Variants in ZNF808 observed in about 807,000 individuals in gnomAD.
ZNF808 encodes zinc finger protein 808.
In ZNF808, 5 loss-of-function variants were observed where a neutral mutation model predicts 8.7. That is an observed-to-expected ratio of 0.58 (90% CI 0.30 to 1.21). ZNF808 has a LOEUF of 1.21. ZNF808 is among the 50% of genes most tolerant of loss of function. The pLI is 0.07. For missense variants in ZNF808, 1,103 were observed against 1,098.4 expected (o/e 1.00, Z -0.06); for synonymous variants, 380 against 366.0 (o/e 1.04, Z -0.44).
At chr19:52,561,276 T>C (rs2059857436), downstream of ZNF808, among the ~76,000 whole-genome samples, 1 of 149,158 alleles carries the variant, frequency 6.7e-6, no homozygotes, top group Admixed American at 6.7e-5. Flanking sequence ...CTAGGGTACA[T>C]GTGCACAACG....
At chr19:52,564,286 G>A (rs771497085) in exon 4 of ZNF808, 49 of 691,838 alleles carry the variant, frequency 7.1e-5, no homozygotes, top group Admixed American at 1.7e-4. Context: ...TCATAATCAC[G>A]TTACTTAAGC....
chr19:52,547,341 A>G (rs2059731831), intron 3 of ZNF808, among the ~76,000 whole-genome samples, 171 bp from the exon 4 acceptor site: 1 of 152,160 alleles, frequency 6.6e-6, no homozygotes, highest in African/African-American at 2.4e-5. Flanking sequence ...TTCAAGGAAA[A>G]GTACAATAAA....
intron 2 of ZNF808, among the ~76,000 whole-genome samples, chr19:52,540,171 C>A (rs984360276): frequency 6.6e-6 from 1 of 152,078 alleles, no homozygotes; most frequent in African/African-American, 2.4e-5. Flanking sequence ...ACCACTATGC[C>A]CTGCTAATGT....
At chr19:52,537,018 C>A (rs2059619078) in intron 2 of ZNF808, among the ~76,000 whole-genome samples, 1 of 151,986 alleles carries the variant, frequency 6.6e-6, no homozygotes, top group African/African-American at 2.4e-5. Flanking sequence ...GAAACCCCAT[C>A]CCTGCTAAAA....
intron 2 of ZNF808, among the ~76,000 whole-genome samples, chr19:52,539,090 C>T (rs1179108225): frequency 6.6e-6 from 1 of 151,502 alleles, no homozygotes; most frequent in East Asian, 1.9e-4. Flanking sequence ...GTGACTGACT[C>T]TGTTACTATA....
chr19:52,536,725 A>C (rs2615585), intron 2 of ZNF808, among the ~76,000 whole-genome samples: 49,553 of 151,774 alleles, frequency 0.33, 8,698 homozygotes, highest in East Asian at 0.52. Context: ...AGAGGGAGAA[A>C]CACAGCAGGG....
At position 52,547,549 on chromosome 19, in the gene ZNF808, C is replaced by T. The variant is rs778353086; in HGVS notation, c.101C>T (p.Ser34Leu). The change falls in exon 4 of 5, where the codon TCA (serine) becomes TTA (leucine). Residue 34 changes from serine to leucine, a missense_variant. Ser to Leu is a moderately radical substitution (Grantham distance 145). Coordinates refer to ENST00000359798, the MANE Select transcript of ZNF808 (RefSeq NM_001039886.4). ...TTCAGGGATGTGGCTATAGAATTCT[C>T]ATTGGCAGAGTGGAAATTCCTGAAC... The part of the protein sequence containing the change: ...LTFRDVAIEF[S>L]LAEWKFLNPA... The T allele has an allele frequency of 6.2e-7, 1 of 1,614,012 alleles. No homozygotes were observed. The highest frequency in any genetic ancestry group is 8.5e-7 in the Non-Finnish European group (1 of 1,179,994).
At chr19:52,536,273 C>T (rs2059610130) in intron 2 of ZNF808, among the ~76,000 whole-genome samples, 2 of 152,294 alleles carry the variant, frequency 1.3e-5, no homozygotes, top group Non-Finnish European at 2.9e-5. Flanking sequence ...AGTGTATACA[C>T]TTCCTGTCGC....
chr19:52,542,374 T>C (rs391330), intron 2 of ZNF808, among the ~76,000 whole-genome samples: 8 of 152,076 alleles, frequency 5.3e-5, no homozygotes, highest in African/African-American at 7.2e-5. Flanking sequence ...GCCCCACGGG[T>C]CGCTTTCCTT....
chr19:52,539,607 T>A (rs1409618273), intron 2 of ZNF808, among the ~76,000 whole-genome samples: 1 of 138,054 alleles, frequency 7.2e-6, no homozygotes, highest in African/African-American at 2.8e-5. Flanking sequence ...CAGGGTGAAG[T>A]GCAATGGTGC....
At chr19:52,566,127 G>A (rs1029311615), downstream of ZNF808, among the ~76,000 whole-genome samples, 1 of 152,022 alleles carries the variant, frequency 6.6e-6, no homozygotes, top group African/African-American at 2.4e-5. Flanking sequence ...TGGGATTAGA[G>A]TCCATTTGTG....
At chr19:52,551,992 C>G (rs570992713) in intron 4 of ZNF808, among the ~76,000 whole-genome samples, 2 of 152,070 alleles carry the variant, frequency 1.3e-5, no homozygotes, top group East Asian at 1.9e-4. Flanking sequence ...TGCAAGACTC[C>G]TTCTCAAAAC....
At chr19:52,557,281 T>G (rs2059841220), downstream of ZNF808, among the ~76,000 whole-genome samples, 1 of 151,794 alleles carries the variant, frequency 6.6e-6, no homozygotes, top group Non-Finnish European at 1.5e-5. Flanking sequence ...TTTTTTTTTT[T>G]TTGAGATGGA....
chr19:52,558,456 C>T (rs902146408), downstream of ZNF808, among the ~76,000 whole-genome samples: 5 of 151,938 alleles, frequency 3.3e-5, no homozygotes, highest in Admixed American at 2.0e-4. Flanking sequence ...ACTGCAACTT[C>T]CACCTCCCAG....
At chr19:52,539,433 A>C (rs1161766838) in intron 2 of ZNF808, among the ~76,000 whole-genome samples, 1 of 150,106 alleles carries the variant, frequency 6.7e-6, no homozygotes, top group East Asian at 1.9e-4. Context: ...CTTGTGATCC[A>C]CCGCCTTGGC....
intron 4 of ZNF808, among the ~76,000 whole-genome samples, chr19:52,552,888 T>C (rs1276395250): frequency 6.6e-6 from 1 of 152,218 alleles, no homozygotes; most frequent in African/African-American, 2.4e-5. Flanking sequence ...GTCAGTGTTT[T>C]GTCATGATAT....
At chr19:52,529,400 A>G (rs2059540441) in intron 1 of ZNF808, among the ~76,000 whole-genome samples, 1 of 152,078 alleles carries the variant, frequency 6.6e-6, no homozygotes. Flanking sequence ...AAATGGGGCG[A>G]GAGACTGGGT....
At chr19:52,559,450 C>T (rs1385872941), downstream of ZNF808, among the ~76,000 whole-genome samples, 1 of 152,128 alleles carries the variant, frequency 6.6e-6, no homozygotes, top group Non-Finnish European at 1.5e-5. Context: ...TGCCACATCC[C>T]CCTCTCCGAG....
chr19:52,566,528 T>A (rs2059873368), downstream of ZNF808, among the ~76,000 whole-genome samples: 1 of 152,170 alleles, frequency 6.6e-6, no homozygotes, highest in South Asian at 2.1e-4. Context: ...TTAGCTAATT[T>A]AAAACGCAAA....
Sources: allele counts gnomAD v4.1 joint callset (sites outside exome capture counted in the v4.1 genomes callset), GRCh38; gene constraint gnomAD v4.1.1; transcripts MANE v1.5; gene names NCBI Gene and HGNC (gene_info 2026-07-23, HGNC 2026-07-21).